The following ABCA2 variants were observed in gnomAD, a reference collection of about 807,000 sequenced individuals.
The protein encoded by ABCA2 is ATP-binding cassette sub-family A member 2.
ABCA2 carries 84 observed loss-of-function variants against 262.8 expected under a neutral mutation model. The ratio of observed to expected loss-of-function variants is 0.32; its 90% CI spans 0.27 to 0.38. ABCA2 has a LOEUF of 0.38. Ranked by LOEUF, ABCA2 falls within the 10% of genes least tolerant of loss-of-function variation. The pLI, the probability that ABCA2 is intolerant of heterozygous loss-of-function variation, is 1.00. For missense variants in ABCA2, 2,662 were observed against 3,405.9 expected (o/e 0.78, Z 5.44); for synonymous variants, 1,696 against 1,502.9 (o/e 1.13, Z -2.97).
In ABCA2 at chr9:137,019,410, C is replaced by T. The variant is rs1445927837; in HGVS notation, c.1426-104G>A. ...CCAGTGGCTGGTCCATTGCCAACAA[C>T]TAACCCTCCCCACCTTTTTTTTTTT... is the stretch of plus-strand genomic sequence containing the variant. On this transcript the variant is annotated intron_variant, in intron 10 of 48. Transcript: ENST00000341511. The surrounding 1 kb of genome is among the most constrained non-coding windows in gnomAD (Gnocchi z 4.4). 1 of 1,203,456 alleles carries T rather than the reference C, an allele frequency of 8.3e-7. No individual in the cohort carries two copies. The highest frequency in any genetic ancestry group is 2.5e-5 in the Admixed American group (1 of 40,578). The allele number at this position is 1,203,456 out of a possible 1,614,324, so 74.5% of individuals were successfully genotyped here. A position where few individuals can be genotyped will look rare whatever the true frequency, so the allele number is the denominator to read the frequency against.
rs199696940 is a variant in ABCA2 at position 137,012,287 on chromosome 9, G to A, written c.5277C>T (p.Ser1759=). 1.4e-4 allele frequency: 225 copies of A among 1,603,012 alleles called. 2 individuals are homozygous for A. The highest frequency in any genetic ancestry group is 6.4e-4 in the South Asian group (58 of 90,902). ...CACCGTAAGCCGCCGGGTTGCCCTT[G>A]CTCTTGGGCAGGTTGGCACGCAGGA... The part of the protein sequence containing the change: ...NAILRANLPK[S]KGNPAAYGIT... The change falls in exon 33 of 49, where the codon AGC becomes AGT. Residue 1759 remains serine (S), a synonymous_variant. Coordinates refer to ENST00000341511, the MANE Select transcript of ABCA2 (RefSeq NM_001606.5).
rs1223867805 is a variant in ABCA2, at chr9:137,017,105, G to A, written c.2573C>T (p.Ala858Val). 2 of 1,612,682 alleles carry A rather than the reference G, an allele frequency of 1.2e-6. No homozygotes were observed. The highest frequency in any genetic ancestry group is 1.7e-6 in the Non-Finnish European group (2 of 1,179,914). Residue 858 changes from alanine to valine, a missense_variant, in exon 19 of 49, where the codon GCC (alanine) becomes GTC (valine). Around this residue, in one of 12 missense-constraint regions of ABCA2, gnomAD observed 188 missense variants for 343.4 expected, o/e 0.55. Coordinates refer to ENST00000341511, the MANE Select transcript of ABCA2 (RefSeq NM_001606.5). ...KCIASLMSTT[A>V]FGLGSKYFAL... The stretch of plus-strand genomic sequence containing the variant: ...GAAGTACTTAGAGCCCAGACCAAAG[G>A]CCGTCGTGGACATGAGGGACTGAGA...
intron 13 of ABCA2, 106 bp downstream of exon 13, chr9:137,018,613 G>A: frequency 1.0e-6 from 1 of 953,210 alleles, no homozygotes; most frequent in African/African-American, 1.9e-5. Flanking sequence ...AGGGGGGAAG[G>A]CCAGGGCGCG....
At position 137,013,335 on chromosome 9, in the gene ABCA2, T is replaced by C; in HGVS notation, c.4551-17A>G. 2 of 1,537,208 alleles carry C rather than the reference T, an allele frequency of 1.3e-6. No individual in the cohort carries two copies. The highest frequency in any genetic ancestry group is 1.7e-6 in the Non-Finnish European group (2 of 1,148,058). On this transcript the variant is annotated splice_polypyrimidine_tract_variant and intron_variant, in intron 29 of 48. Coordinates refer to ENST00000341511, the MANE Select transcript of ABCA2 (RefSeq NM_001606.5). ...AGCCGCAGCCTGCGGGCACCGACAGTGTGAGGTGGGGCTGCCAGTCTCCGC... is the reference window on the plus strand; with the variant it reads ...AGCCGCAGCCTGCGGGCACCGACAGCGTGAGGTGGGGCTGCCAGTCTCCGC...
chr9:137,015,640 C>T lies in ABCA2; in HGVS notation c.3514+35G>A, dbSNP rs578199428. On this transcript the variant is annotated intron_variant, in intron 23 of 48. Transcript: ENST00000341511. The stretch of plus-strand genomic sequence containing the variant: ...CAGGGTCAGGGGGCAGGGGAGGCGC[C>T]GCCCGCACCCCTGCCCACACGGCAC... 1.3e-4 allele frequency: 217 copies of T among 1,610,600 alleles called. 1 individual carries two copies. In the South Asian group the frequency reaches 2.0e-3, roughly 15 times the overall value.
At position 137,015,483 on chromosome 9, in the gene ABCA2, TGAGGAA is replaced by T; in HGVS notation, c.3622_3627del (p.Phe1208_Leu1209del). Reference sequence around the variant, plus strand: ...CGGTACCCGTCGCCATAGGTGCCCTTGAGGAAGAGCGGGGAGCCGCAGCACTTGAGC... The same window carrying T: ...CGGTACCCGTCGCCATAGGTGCCCTTGAGCGGGGAGCCGCAGCACTTGAGC... On this transcript the variant is annotated inframe_deletion, in exon 24 of 49. Coordinates refer to ENST00000341511, the MANE Select transcript of ABCA2 (RefSeq NM_001606.5). 6.2e-7 allele frequency: 1 copy of T among 1,608,772 alleles called. No individual in the cohort carries two copies.
At position 137,019,491 on chromosome 9, in the gene ABCA2, C is replaced by T; in HGVS notation, c.1426-185G>A. ...ACGCTGGAGTGCAGTGGTGCAGTCC[C>T]AGCTCACTGCAGCCTCCACCTCCCA... On this transcript the variant is annotated intron_variant, in intron 10 of 48. Coordinates refer to ENST00000341511, the MANE Select transcript of ABCA2 (RefSeq NM_001606.5). The surrounding 1 kb of genome is among the most constrained non-coding windows in gnomAD (Gnocchi z 4.4). 8.0e-6 allele frequency: 5 copies of T among 621,736 alleles called. No individual in the cohort carries two copies. Among genetic ancestry groups the T allele is most frequent in the Non-Finnish European group, 8.0e-6 (3 of 373,110 alleles). 38.5% of individuals were successfully genotyped at this position (621,736 alleles called of 1,614,324 possible).
intron 40 of ABCA2, 48 bp downstream of exon 40, chr9:137,010,572 G>C: frequency 6.6e-7 from 1 of 1,504,718 alleles, no homozygotes. Context: ...CACCCCCCTG[G>C]CCCTGGCCTA....
In ABCA2 at chr9:137,020,920, G is replaced by A. The variant is rs1185878685; in HGVS notation, c.1039C>T (p.Leu347=). ...CGGCCAGTGCAGGCACCCTGGGGCA[G>A]TAGCAGGGCCAGGGCCGACAGGACA... The part of the protein sequence containing the change: ...VDVLSALALL[L]PQGACTGRTP... The change falls in exon 9 of 49, where the codon CTG becomes TTG. Residue 347 remains leucine, a synonymous_variant. Transcript: ENST00000341511. 3 of 1,565,528 alleles carry A rather than the reference G, an allele frequency of 1.9e-6. No individual in the cohort carries two copies. Among genetic ancestry groups the A allele is most frequent in the Non-Finnish European group, 1.7e-6 (2 of 1,155,434 alleles).
At chr9:137,012,185 G>A (rs577420745) in intron 33 of ABCA2, 23 bp from the exon 34 acceptor site, 46 of 1,610,630 alleles carry the variant, frequency 2.9e-5, no homozygotes, top group South Asian at 2.3e-4. Flanking sequence ...GGGCGGGGGC[G>A]GCAGCTTCAG....
rs773944859 is a variant in ABCA2, at chr9:137,020,405, G to A, written c.1356C>T (p.His452=). The change falls in exon 10 of 49, where the codon CAC becomes CAT. Residue 452 remains histidine, a synonymous_variant. Coordinates refer to ENST00000341511, the MANE Select transcript of ABCA2 (RefSeq NM_001606.5). ...GGATTTTGGGGTTGCTGGTCATGAGGTGCACGAGGAGGCCCAGGTTCCGCT... is the reference window on the plus strand; with the variant it reads ...GGATTTTGGGGTTGCTGGTCATGAGATGCACGAGGAGGCCCAGGTTCCGCT... ...KEQRNLGLLV[H]LMTSNPKILY... is the part of the protein sequence containing the mutation. The A allele has an allele frequency of 3.1e-6, 5 of 1,613,042 alleles. No individual in the cohort carries two copies. In the Admixed American group the frequency reaches 6.7e-5, roughly 21 times the overall value.
intron 10 of ABCA2, chr9:137,020,083 GGACCGGCCAC>G (rs1318668890): frequency 7.3e-6 from 4 of 546,212 alleles, no homozygotes; most frequent in Non-Finnish European, 1.3e-5. Flanking sequence ...GCACTGCCCT[GGACCGGCCAC>G]CCCCAGCCGG....
Position 137,012,599 on chromosome 9 carries a change from G to A in ABCA2, c.5082-9C>T. The A allele has an allele frequency of 6.2e-7, 1 of 1,611,260 alleles. No individual in the cohort carries two copies. The highest frequency in any genetic ancestry group is 8.5e-7 in the Non-Finnish European group (1 of 1,179,574). The stretch of plus-strand genomic sequence containing the variant: ...AGGTGATGGCCCCATACCTGGGCAG[G>A]CAGGTGGGAGGGGCGGTGAGGCTAG... On this transcript the variant is annotated splice_polypyrimidine_tract_variant and intron_variant, in intron 31 of 48. Coordinates refer to ENST00000341511, the MANE Select transcript of ABCA2 (RefSeq NM_001606.5).
chr9:137,010,237 G>A lies in ABCA2; in HGVS notation c.6309C>T (p.Gly2103=), dbSNP rs778465935. Residue 2103 remains glycine (G), a synonymous_variant, in exon 41 of 49, where the codon GGC becomes GGT. Coordinates refer to ENST00000341511, the MANE Select transcript of ABCA2 (RefSeq NM_001606.5). ...CCTCGCCCCCCGTCGTGCTCTCGTC[G>A]CCGGTCAGCATCTTGAAGGTGCTGG... ...GKTSTFKMLT[G]DESTTGGEAF... The A allele has an allele frequency of 1.6e-4, 251 of 1,603,802 alleles. 2 individuals carry two copies. The Middle Eastern group carries it at 2.6e-3, about 17-fold the overall frequency.
chr9:137,024,413 G>T (rs910861495), intron 1 of ABCA2, among the ~76,000 whole-genome samples, 177 bp from the exon 2 acceptor site: 1 of 152,216 alleles, frequency 6.6e-6, no homozygotes, highest in African/African-American at 2.4e-5. Flanking sequence ...GGCACTGAGG[G>T]TAAGGATTGT....
intron 33 of ABCA2, 30 bp downstream of exon 33, chr9:137,012,235 C>G (rs1564214860): frequency 5.1e-6 from 8 of 1,582,846 alleles, no homozygotes; most frequent in Non-Finnish European, 6.0e-6. Flanking sequence ...CTCCTCCCCG[C>G]CCCGCCCCGC....
intron 1 of ABCA2, among the ~76,000 whole-genome samples, chr9:137,025,401 C>T (rs1183504694): frequency 1.3e-5 from 2 of 152,244 alleles, no homozygotes; most frequent in African/African-American, 4.8e-5. Flanking sequence ...GGGCGAGCAC[C>T]CAGCTCGGAG....
intron 26 of ABCA2, 69 bp downstream of exon 26, chr9:137,014,621 G>A: frequency 1.3e-6 from 2 of 1,548,662 alleles, no homozygotes; most frequent in Non-Finnish European, 8.7e-7. Context: ...CCAGGCAGGA[G>A]TGACAGCGCA....
rs1027047129 is a variant in ABCA2 at position 137,024,080 on chromosome 9, C to A, written c.160+63G>T. 1.0e-5 allele frequency: 16 copies of A among 1,538,388 alleles called. No individual in the cohort carries two copies. The African/African-American group carries it at 1.4e-4, about 13-fold the overall frequency. On this transcript the variant is annotated intron_variant, in intron 2 of 48. Coordinates refer to ENST00000341511, the MANE Select transcript of ABCA2 (RefSeq NM_001606.5). ...ACACCCGTGTGCAGATGTGCACACACAGCGCAGGCGTGCGAGGTGCCGCGC... is the reference window on the plus strand; with the variant it reads ...ACACCCGTGTGCAGATGTGCACACAAAGCGCAGGCGTGCGAGGTGCCGCGC...
Sources: gnomAD v4.1 joint callset for allele counts (sites outside exome capture counted in the v4.1 genomes callset) on GRCh38, gnomAD v4.1.1 for gene constraint, gnomAD v4.1.1 regional missense constraint, Gnocchi (gnomAD v3.1) non-coding constraint, MANE v1.5 for transcripts, NCBI Gene and HGNC (gene_info 2026-07-23, HGNC 2026-07-21) for gene names.